DAB2IP: variants seen among roughly 807,000 people sequenced by gnomAD.
DAB2IP encodes disabled homolog 2-interacting protein.
DAB2IP carries 28 observed loss-of-function variants against 107.2 expected under a neutral mutation model. The ratio of observed to expected loss-of-function variants is 0.26; its 90% CI spans 0.19 to 0.36. The LOEUF (loss-of-function observed/expected upper bound fraction) is 0.36. Among genes scored for constraint, DAB2IP ranks in the 10% least tolerant of loss-of-function variants. The probability of loss-of-function intolerance (pLI) is 1.00; values close to 1 mark genes in which losing one functional copy is unlikely to be tolerated. For synonymous variants in DAB2IP, 755 were observed against 706.4 expected, an observed-to-expected ratio of 1.07 and a Z score of -1.09; for missense variants, 1,400 against 1,644.7, an observed-to-expected ratio of 0.85 and a Z score of 2.57.
chr9:121,579,089 A>G (rs1339640794), intron 1 of DAB2IP, among the ~76,000 whole-genome samples: 3 of 152,098 alleles, frequency 2.0e-5, no homozygotes, highest in Non-Finnish European at 2.9e-5. Flanking sequence ...GCCCCGCACC[A>G]TCAGATCTCT....
At chr9:121,576,974 C>G (rs1830074790) in intron 1 of DAB2IP, among the ~76,000 whole-genome samples, 1 of 151,984 alleles carries the variant, frequency 6.6e-6, no homozygotes, top group African/African-American at 2.4e-5. Context: ...AACCAGGGTC[C>G]TGTCACCTCC....
chr9:121,623,088 G>C (rs994871427), intron 1 of DAB2IP, among the ~76,000 whole-genome samples: 1 of 152,180 alleles, frequency 6.6e-6, no homozygotes, highest in African/African-American at 2.4e-5. Flanking sequence ...TTACTTAAGA[G>C]AGCAATTTTG....
intron 3 of DAB2IP, among the ~76,000 whole-genome samples, chr9:121,706,378 A>C (rs1443500584): frequency 1.3e-5 from 2 of 152,042 alleles, no homozygotes; most frequent in African/African-American, 2.4e-5. Context: ...GCCACCCCCC[A>C]GTCAGAGCCT....
At chr9:121,774,655 A>G (rs557320165) in intron 13 of DAB2IP, among the ~76,000 whole-genome samples, 1 of 152,284 alleles carries the variant, frequency 6.6e-6, no homozygotes, top group South Asian at 2.1e-4. Context: ...TCACCAGGGA[A>G]TTGTCTTGGA....
rs753875821 is a variant in DAB2IP, at chr9:121,687,995, C to T, written c.228+9214C>T. Among the ~76,000 whole-genome samples, 8 of 152,312 alleles carry T rather than the reference C, an allele frequency of 5.3e-5. No individual in the cohort carries two copies. The East Asian group carries it at 7.7e-4, about 15-fold the overall frequency. On this transcript the variant is annotated intron_variant, in intron 2 of 15. Coordinates refer to ENST00000408936, the Ensembl canonical transcript of DAB2IP. Reference sequence around the variant, plus strand: ...TTTGGACCCAGGCCTCCCCATCTCTCTGCCTTATCTTGTCCTGCCCCTACT... The same window carrying T: ...TTTGGACCCAGGCCTCCCCATCTCTTTGCCTTATCTTGTCCTGCCCCTACT...
rs977277935 is a variant in DAB2IP, at chr9:121,715,185, G to T, written c.362+15727G>T. On this transcript the variant is annotated intron_variant, in intron 3 of 15. Coordinates refer to ENST00000408936, the Ensembl canonical transcript of DAB2IP. ...TTAAGGACCTTGCTCCTGCAGGGCA[G>T]GGGGCTTCATGGTGGTTGCCTGAGA... Among the ~76,000 whole-genome samples, 3 of 152,302 alleles carry T rather than the reference G, an allele frequency of 2.0e-5. No homozygotes were observed. The East Asian group carries it at 5.8e-4, about 29-fold the overall frequency.
Position 121,651,709 on chromosome 9 carries a change from T to G in DAB2IP, c.-67T>G. ...GAACGCGTGGGCGCCCGCCGGGCTGTCCGGAGCGGCCGATGGGGCCCGTGT... is the reference window on the plus strand; with the variant it reads ...GAACGCGTGGGCGCCCGCCGGGCTGGCCGGAGCGGCCGATGGGGCCCGTGT... On this transcript the variant is annotated 5_prime_UTR_variant, in exon 1 of 16. Transcript: ENST00000408936. The surrounding 1 kb of genome is among the most constrained non-coding windows in gnomAD (Gnocchi z 5.1). The G allele has an allele frequency of 1.7e-6, 2 of 1,163,392 alleles. No homozygotes were observed. Among genetic ancestry groups the G allele is most frequent in the Non-Finnish European group, 2.1e-6 (2 of 944,800 alleles). The allele number at this position is 1,163,392 out of a possible 1,614,324, so 72.1% of individuals were successfully genotyped here.
intron 1 of DAB2IP, among the ~76,000 whole-genome samples, chr9:121,571,283 C>G (rs768776808): frequency 2.6e-5 from 4 of 152,134 alleles, no homozygotes; most frequent in Non-Finnish European, 5.9e-5. Flanking sequence ...CCGTGAGTCT[C>G]TAAGCAATCT....
At chr9:121,671,599 C>T (rs1419125694) in intron 1 of DAB2IP, among the ~76,000 whole-genome samples, 2 of 151,874 alleles carry the variant, frequency 1.3e-5, no homozygotes, top group Non-Finnish European at 2.9e-5. Flanking sequence ...AGTTTTGGGG[C>T]TATTAAAAAT....
chr9:121,591,104 C>T (rs1427602741), intron 1 of DAB2IP, among the ~76,000 whole-genome samples: 3 of 152,066 alleles, frequency 2.0e-5, no homozygotes, highest in Admixed American at 6.6e-5. Context: ...TGGGAAGAAG[C>T]GTTGTATATT....
intron 14 of DAB2IP, among the ~76,000 whole-genome samples, chr9:121,779,856 C>T (rs965323255): frequency 6.6e-6 from 1 of 152,180 alleles, no homozygotes; most frequent in African/African-American, 2.4e-5. Context: ...TCTTGCTCCT[C>T]TCTGGCTTCT....
At chr9:121,623,868 A>G (rs1831555491) in intron 1 of DAB2IP, among the ~76,000 whole-genome samples, 1 of 152,034 alleles carries the variant, frequency 6.6e-6, no homozygotes, top group Non-Finnish European at 1.5e-5. Flanking sequence ...TTGTATTTTT[A>G]GTAGAGATGG....
intron 1 of DAB2IP, among the ~76,000 whole-genome samples, chr9:121,620,950 G>T (rs1231241964): frequency 3.9e-5 from 6 of 152,122 alleles, no homozygotes; most frequent in Non-Finnish European, 5.9e-5. Context: ...AACATGAAAG[G>T]CCCTTCCTTT....
intron 3 of DAB2IP, among the ~76,000 whole-genome samples, chr9:121,711,547 G>C (rs1830337033): frequency 6.6e-6 from 1 of 152,148 alleles, no homozygotes; most frequent in Non-Finnish European, 1.5e-5. Flanking sequence ...GTTGTATTTT[G>C]CAGAACATTA....
chr9:121,700,156 T>C (rs1012565269), intron 3 of DAB2IP, among the ~76,000 whole-genome samples: 2 of 152,212 alleles, frequency 1.3e-5, no homozygotes, highest in African/African-American at 4.8e-5. Context: ...TCCTGCTTTC[T>C]GTTTCCTTCT....
At chr9:121,678,971 G>C in intron 2 of DAB2IP, 190 bp downstream of exon 2, 2 of 499,412 alleles carry the variant, frequency 4.0e-6, no homozygotes, top group Non-Finnish European at 6.6e-6. Context: ...GGTCCCGGGG[G>C]CCACATGGGG....
chr9:121,746,294 G>A (rs1832719967), intron 3 of DAB2IP, among the ~76,000 whole-genome samples: 2 of 152,212 alleles, frequency 1.3e-5, no homozygotes, highest in Non-Finnish European at 2.9e-5. Context: ...TGGAGAGCTC[G>A]CTGCAGGTCA....
intron 1 of DAB2IP, among the ~76,000 whole-genome samples, chr9:121,663,291 G>C (rs551026741): frequency 1.3e-5 from 2 of 152,120 alleles, no homozygotes; most frequent in Non-Finnish European, 2.9e-5. Context: ...ACCAACAAGG[G>C]AGCAAACCCT....
intron 2 of DAB2IP, among the ~76,000 whole-genome samples, chr9:121,688,829 G>A (rs1188132168): frequency 6.6e-6 from 1 of 152,170 alleles, no homozygotes; most frequent in Non-Finnish European, 1.5e-5. Flanking sequence ...TGGAGTAAGC[G>A]CAGGGTGAGC....
Sources: gnomAD v4.1 joint callset for allele counts (sites outside exome capture counted in the v4.1 genomes callset) on GRCh38, gnomAD v4.1.1 for gene constraint, Gnocchi (gnomAD v3.1) non-coding constraint, MANE v1.5 for transcripts, NCBI Gene and HGNC (gene_info 2026-07-23, HGNC 2026-07-21) for gene names.